Variants in RRAGD observed in about 807,000 individuals in gnomAD.
RRAGD encodes the protein Ras related GTP binding D, also known as ras-related GTP-binding protein D.
A neutral mutation model predicts 35.5 loss-of-function variants in RRAGD; 12 were observed. The ratio of observed to expected loss-of-function variants is 0.34; its 90% CI spans 0.22 to 0.55. The LOEUF is 0.55. Among genes scored for constraint, RRAGD ranks in the 20% least tolerant of loss-of-function variants. The probability of loss-of-function intolerance (pLI) is 0.91; values close to 1 mark genes in which losing one functional copy is unlikely to be tolerated. For synonymous variants in RRAGD, 155 were observed against 178.9 expected, an observed-to-expected ratio of 0.87 and a Z score of 1.07; for missense variants, 324 against 490.1, an observed-to-expected ratio of 0.66 and a Z score of 3.20.
At chr6:89,378,315 A>AG (rs1056396335) in intron 4 of RRAGD, among the ~76,000 whole-genome samples, 5 of 152,076 alleles carry the variant, frequency 3.3e-5, no homozygotes, top group African/African-American at 1.2e-4. Flanking sequence ...AAAAAAAAAA[A>AG]GAATTCGAAT....
chr6:89,392,313 A>G (rs1449874123), intron 1 of RRAGD, among the ~76,000 whole-genome samples: 1 of 151,714 alleles, frequency 6.6e-6, no homozygotes, highest in Non-Finnish European at 1.5e-5. Flanking sequence ...TGTCTCTACA[A>G]AAAAAAATTC....
chr6:89,409,814 G>A lies in RRAGD; in HGVS notation c.148+2032C>T, dbSNP rs77111465. On this transcript the variant is annotated intron_variant, in intron 1 of 6. Coordinates refer to ENST00000369415, the MANE Select transcript of RRAGD (RefSeq NM_021244.5). ...AAAGAACAGAGGCCAAAATATAACGGAGGAAGTCTGAGAAGCAGACCACCT... is the reference window on the plus strand; with the variant it reads ...AAAGAACAGAGGCCAAAATATAACGAAGGAAGTCTGAGAAGCAGACCACCT... Among the ~76,000 whole-genome samples, 1,083 of 152,352 alleles carry A rather than the reference G, an allele frequency of 7.1e-3. 8 individuals carry two copies. Among genetic ancestry groups the A allele is most frequent in the Non-Finnish European group, 0.012 (832 of 68,036 alleles).
chr6:89,406,819 G>A (rs1769588450), intron 1 of RRAGD, among the ~76,000 whole-genome samples: 2 of 152,138 alleles, frequency 1.3e-5, no homozygotes, highest in Non-Finnish European at 2.9e-5. Flanking sequence ...GCCCACTGGG[G>A]CTTCAGGAGC....
At chr6:89,372,255 C>T (rs540668163) in intron 6 of RRAGD, among the ~76,000 whole-genome samples, 182 bp downstream of exon 6, 2 of 152,328 alleles carry the variant, frequency 1.3e-5, no homozygotes, top group South Asian at 4.1e-4. Flanking sequence ...TTCACTGGCC[C>T]AGAAGCTGAC....
chr6:89,398,149 A>AAAAAAAAG (rs1582520308), intron 1 of RRAGD, among the ~76,000 whole-genome samples: 1 of 152,056 alleles, frequency 6.6e-6, no homozygotes, highest in East Asian at 1.9e-4. Flanking sequence ...CCATCTCAAA[A>AAAAAAAAG]AAAAAAAGAA....
rs996237127 is a variant in RRAGD, at chr6:89,366,089, A to T, written c.*1967T>A. Reference sequence around the variant, plus strand: ...TTAGGGCACCTTAATTATTTTTAGAAATCTCCTTTCAAAATGCACAGAACC... The same window carrying T: ...TTAGGGCACCTTAATTATTTTTAGATATCTCCTTTCAAAATGCACAGAACC... On this transcript the variant is annotated 3_prime_UTR_variant, in exon 7 of 7. Coordinates refer to ENST00000369415, the MANE Select transcript of RRAGD (RefSeq NM_021244.5). 7 of 152,174 alleles carry T rather than the reference A, an allele frequency of 4.6e-5. No individual in the cohort carries two copies. Among genetic ancestry groups the T allele is most frequent in the African/African-American group, 1.7e-4 (7 of 41,436 alleles). 9.4% of individuals were successfully genotyped at this position (152,174 alleles called of 1,614,324 possible). A position where few individuals can be genotyped will look rare whatever the true frequency, so the allele number is the denominator to read the frequency against.
intron 1 of RRAGD, among the ~76,000 whole-genome samples, chr6:89,409,479 CT>C (rs1376750852): frequency 6.6e-6 from 1 of 152,118 alleles, no homozygotes; most frequent in East Asian, 1.9e-4. Flanking sequence ...AGAATAACTC[CT>C]TTTTTTCCCT....
At position 89,377,680 on chromosome 6, in the gene RRAGD, C is replaced by T. The variant is rs1177935819; in HGVS notation, c.893G>A (p.Cys298Tyr). The change falls in exon 5 of 7, where the codon TGT becomes TAT. Residue 298 changes from cysteine to tyrosine, a missense_variant. Around this residue, in one of 5 missense-constraint regions of RRAGD, gnomAD observed 152 missense variants for 296.9 expected, o/e 0.51. Coordinates refer to ENST00000369415, the MANE Select transcript of RRAGD (RefSeq NM_021244.5). ...AGAATGTTGTACTTACCCATAAATA[C>T]AAGAGATGTCAATAACCACATCTAT... ...DMIDVVIDIS[C>Y]IYGLKEDGAG... The T allele has an allele frequency of 6.3e-7, 1 of 1,591,500 alleles. No homozygotes were observed. The highest frequency in any genetic ancestry group is 1.2e-5 in the South Asian group (1 of 85,630).
intron 6 of RRAGD, among the ~76,000 whole-genome samples, chr6:89,370,489 C>A (rs1768836266): frequency 6.6e-6 from 1 of 152,156 alleles, no homozygotes. Context: ...CAGCATAAAA[C>A]CAGAAAATCT....
At chr6:89,393,622 G>A (rs561211644) in intron 1 of RRAGD, among the ~76,000 whole-genome samples, 190 of 152,290 alleles carry the variant, frequency 1.2e-3, no homozygotes, top group African/African-American at 4.4e-3. Context: ...GTGTGGAGAA[G>A]AGCACTATCA....
chr6:89,389,416 C>T (rs961194132), intron 1 of RRAGD, among the ~76,000 whole-genome samples: 3 of 151,830 alleles, frequency 2.0e-5, no homozygotes, highest in African/African-American at 7.3e-5. Flanking sequence ...ATTAGCCAGG[C>T]GTGGTGGCGG....
intron 1 of RRAGD, among the ~76,000 whole-genome samples, chr6:89,406,523 A>C (rs974443608): frequency 1.3e-5 from 2 of 151,912 alleles, no homozygotes; most frequent in Non-Finnish European, 2.9e-5. Flanking sequence ...CGTCGAGAGG[A>C]CGTTGGGAGC....
chr6:89,403,212 C>T (rs1455879478), intron 1 of RRAGD, among the ~76,000 whole-genome samples: 3 of 152,156 alleles, frequency 2.0e-5, no homozygotes, highest in Non-Finnish European at 2.9e-5. Flanking sequence ...GAGGCTGAGG[C>T]GGGTGGATCA....
chr6:89,365,949 A>T lies in RRAGD; in HGVS notation c.*2107T>A, dbSNP rs1313983807. ...ATTAGAGAATTAGATTTATAACAAT[A>T]ACCCCTAAGTGTCAGGTCTGTTGGC... is the stretch of plus-strand genomic sequence containing the variant. On this transcript the variant is annotated 3_prime_UTR_variant, in exon 7 of 7. Transcript: ENST00000369415. 6.6e-6 allele frequency: 1 copy of T among 152,234 alleles called. No homozygotes were observed. Among genetic ancestry groups the T allele is most frequent in the African/African-American group, 2.4e-5 (1 of 41,470 alleles). 9.4% of individuals were successfully genotyped at this position (152,234 alleles called of 1,614,324 possible). A position where few individuals can be genotyped will look rare whatever the true frequency, so the allele number is the denominator to read the frequency against.
chr6:89,370,534 C>A (rs1768836742), intron 6 of RRAGD, among the ~76,000 whole-genome samples: 2 of 152,152 alleles, frequency 1.3e-5, no homozygotes, highest in Non-Finnish European at 2.9e-5. Flanking sequence ...GCATTAGAAG[C>A]CCCCAAAATG....
In RRAGD at chr6:89,366,081, T is replaced by C. The variant is rs919304468; in HGVS notation, c.*1975A>G. On this transcript the variant is annotated 3_prime_UTR_variant, in exon 7 of 7. Coordinates refer to ENST00000369415, the MANE Select transcript of RRAGD (RefSeq NM_021244.5). ...GAAAGGAGTTAGGGCACCTTAATTA[T>C]TTTTAGAAATCTCCTTTCAAAATGC... is the stretch of plus-strand genomic sequence containing the variant. The C allele has an allele frequency of 1.8e-4, 27 of 152,176 alleles. No homozygotes were observed. The highest frequency in any genetic ancestry group is 6.3e-4 in the African/African-American group (26 of 41,444). The allele number at this position is 152,176 out of a possible 1,614,324, so 9.4% of individuals were successfully genotyped here.
chr6:89,399,188 C>T (rs1333721044), intron 1 of RRAGD, among the ~76,000 whole-genome samples: 1 of 152,182 alleles, frequency 6.6e-6, no homozygotes, highest in Non-Finnish European at 1.5e-5. Flanking sequence ...AGTTGAATCT[C>T]CTCCTCCTGG....
Position 89,368,320 on chromosome 6 carries a change from G to A in RRAGD, c.1052-113C>T, listed in dbSNP as rs60907617. ...GGGGGCAGTAGAGGATGGTCTTAGC[G>A]TAAGGACCAGAGATTTCCCTGGGAT... On this transcript the variant is annotated intron_variant, in intron 6 of 6. Coordinates refer to ENST00000369415, the MANE Select transcript of RRAGD (RefSeq NM_021244.5). The A allele has an allele frequency of 5.2e-3, 4,486 of 856,824 alleles. 142 individuals carry two copies. The African/African-American group carries it at 0.068, about 13-fold the overall frequency. The allele number at this position is 856,824 out of a possible 1,614,324, so 53.1% of individuals were successfully genotyped here. A position where few individuals can be genotyped will look rare whatever the true frequency, so the allele number is the denominator to read the frequency against.
intron 2 of RRAGD, among the ~76,000 whole-genome samples, chr6:89,386,532 G>C (rs1419502581): frequency 1.3e-5 from 2 of 152,210 alleles, no homozygotes; most frequent in East Asian, 1.9e-4. Flanking sequence ...CTGGAAGCCT[G>C]TTGTTAAACT....
Sources: gnomAD v4.1 joint callset for allele counts (sites outside exome capture counted in the v4.1 genomes callset) on GRCh38, gnomAD v4.1.1 for gene constraint, gnomAD v4.1.1 regional missense constraint, MANE v1.5 for transcripts, NCBI Gene and HGNC (gene_info 2026-07-23, HGNC 2026-07-21) for gene names.